The following CYB5D2 variants were observed in gnomAD, a reference collection of about 807,000 sequenced individuals.
CYB5D2 encodes the protein neuferricin.
In CYB5D2, 23 loss-of-function variants were observed where a neutral mutation model predicts 22.8. The ratio of observed to expected loss-of-function variants is 1.01; its 90% confidence interval spans 0.73 to 1.43. The LOEUF (loss-of-function observed/expected upper bound fraction) is 1.43, where lower values mean the gene tolerates loss of function less well. Ranked by LOEUF, CYB5D2 falls within the 40% of genes most tolerant of loss-of-function variation. The pLI is 0.00. For synonymous variants in CYB5D2, 170 were observed against 152.2 expected, an observed-to-expected ratio of 1.12 and a Z score of -0.86; for missense variants, 373 against 357.2, an observed-to-expected ratio of 1.04 and a Z score of -0.36.
At position 4,143,812 on chromosome 17, in the gene CYB5D2, G is replaced by C. The variant is rs780202103; in HGVS notation, c.57G>C (p.Ala19=). Residue 19 remains alanine, a synonymous_variant, in exon 1 of 4, where the codon GCG becomes GCC. Transcript: ENST00000301391. ...TGGGCCTGGCTGTAGCCGCAGCAGC[G>C]GTAATGGCAGCACGGCTTATGGGCT... ...LLLGLAVAAA[A]VMAARLMGWW... is the part of the protein sequence containing the mutation. 27 of 1,614,054 alleles carry C rather than the reference G, an allele frequency of 1.7e-5. No homozygotes were observed. In the East Asian group the frequency reaches 5.8e-4, roughly 35 times the overall value.
At chr17:4,146,801 T>C (rs568217432) in intron 1 of CYB5D2, among the ~76,000 whole-genome samples, 1 of 152,216 alleles carries the variant, frequency 6.6e-6, no homozygotes, top group Admixed American at 6.5e-5. Flanking sequence ...CAGTCACTCC[T>C]TATTCCTTCC....
intron 2 of CYB5D2, 25 bp from the exon 3 acceptor site, chr17:4,154,648 TC>T (rs1255460726): frequency 1.2e-6 from 2 of 1,606,752 alleles, no homozygotes; most frequent in Non-Finnish European, 1.7e-6. Context: ...TCACTCTCAC[TC>T]ACATCTGCCT....
chr17:4,155,869 A>G (rs566863742), intron 3 of CYB5D2, among the ~76,000 whole-genome samples: 7 of 152,192 alleles, frequency 4.6e-5, no homozygotes, highest in Non-Finnish European at 8.8e-5. Context: ...CTTCCCCACA[A>G]AACCCTTCCA....
At chr17:4,144,107 C>T in intron 1 of CYB5D2, 102 bp downstream of exon 1, 1 of 1,448,702 alleles carries the variant, frequency 6.9e-7, no homozygotes. Context: ...CCCCCCCATC[C>T]CCACCCCACA....
intron 1 of CYB5D2, among the ~76,000 whole-genome samples, chr17:4,147,259 A>T (rs976478552): frequency 6.6e-6 from 1 of 151,852 alleles, no homozygotes; most frequent in African/African-American, 2.4e-5. Context: ...CGATACAGCG[A>T]GACTCTATCT....
chr17:4,144,803 T>TA (rs1320053067), intron 1 of CYB5D2, among the ~76,000 whole-genome samples: 1 of 152,054 alleles, frequency 6.6e-6, no homozygotes, highest in Non-Finnish European at 1.5e-5. Context: ...GCTTTTTTTT[T>TA]AAAGATGGAA....
rs201318989 is a variant in CYB5D2, at chr17:4,144,028, C to T, written c.250+23C>T. ...CAGGTATCAGCGAGGCTGCTCACGC[C>T]TTTCTCTCCGCTGGCGCGAGCCAGT... On this transcript the variant is annotated intron_variant, in intron 1 of 3. Transcript: ENST00000301391. 282 of 1,563,664 alleles carry T rather than the reference C, an allele frequency of 1.8e-4. 1 individual carries two copies. The highest frequency in any genetic ancestry group is 2.2e-4 in the Non-Finnish European group (259 of 1,155,750).
intron 2 of CYB5D2, among the ~76,000 whole-genome samples, chr17:4,154,408 A>G (rs557126916): frequency 6.6e-6 from 1 of 152,332 alleles, no homozygotes; most frequent in South Asian, 2.1e-4. Context: ...CTGTGCCCTC[A>G]GGGAAGCCTT....
intron 1 of CYB5D2, among the ~76,000 whole-genome samples, chr17:4,147,817 C>T (rs1343375125): frequency 6.6e-6 from 1 of 152,228 alleles, no homozygotes; most frequent in East Asian, 1.9e-4. Flanking sequence ...TGTGCCATTG[C>T]ACTCCAGCCT....
chr17:4,151,418 C>T (rs2059056185), intron 2 of CYB5D2, among the ~76,000 whole-genome samples: 1 of 152,214 alleles, frequency 6.6e-6, no homozygotes, highest in Non-Finnish European at 1.5e-5. Context: ...GGAGTGGTCT[C>T]TCACACCTGT....
intron 1 of CYB5D2, among the ~76,000 whole-genome samples, chr17:4,146,564 G>C (rs2142993039): frequency 6.6e-6 from 1 of 152,076 alleles, no homozygotes; most frequent in South Asian, 2.1e-4. Flanking sequence ...CTAAGTTTTT[G>C]TATTTTTAGT....
At position 4,149,914 on chromosome 17, in the gene CYB5D2, G is replaced by A. The variant is rs772508937; in HGVS notation, c.274G>A (p.Val92Met). ...FAGRDASRAF[V>M]TGDCSEAGLV... ...AGGCCGAGACGCATCCAGAGCTTTC[G>A]TGACCGGGGACTGTTCTGAAGCAGG... Residue 92 changes from valine (V) to methionine (M), a missense_variant, in exon 2 of 4, where the codon GTG becomes ATG. Coordinates refer to ENST00000301391, the MANE Select transcript of CYB5D2 (RefSeq NM_144611.4). 1.1e-5 allele frequency: 18 copies of A among 1,613,978 alleles called. No homozygotes were observed. The highest frequency in any genetic ancestry group is 1.1e-4 in the East Asian group (5 of 44,896).
At position 4,143,846 on chromosome 17, in the gene CYB5D2, C is replaced by A. The variant is rs771597331; in HGVS notation, c.91C>A (p.Pro31Thr). ...MAARLMGWWG[P>T]RAGFRLFIPE... ...AGCACGGCTTATGGGCTGGTGGGGT[C>A]CCCGCGCTGGCTTTCGCCTTTTCAT... is the stretch of plus-strand genomic sequence containing the variant. The change falls in exon 1 of 4, where the codon CCC becomes ACC. Residue 31 changes from proline (P) to threonine (T), a missense_variant. Transcript: ENST00000301391. 11 of 1,614,096 alleles carry A rather than the reference C, an allele frequency of 6.8e-6. No homozygotes were observed. The highest frequency in any genetic ancestry group is 9.3e-6 in the Non-Finnish European group (11 of 1,179,996).
chr17:4,149,150 T>C (rs1401295546), intron 1 of CYB5D2, among the ~76,000 whole-genome samples: 2 of 151,980 alleles, frequency 1.3e-5, no homozygotes, highest in Non-Finnish European at 2.9e-5. Context: ...GACGTCTAAG[T>C]GTTGTTGGAT....
Position 4,143,710 on chromosome 17 carries a change from A to G in CYB5D2, c.-46A>G, listed in dbSNP as rs749260197. The G allele has an allele frequency of 8.9e-6, 14 of 1,568,930 alleles. No individual in the cohort carries two copies. The East Asian group carries it at 1.1e-4, about 13-fold the overall frequency. On this transcript the variant is annotated 5_prime_UTR_variant, in exon 1 of 4. Transcript: ENST00000301391. ...GGCGTCTCGGCCATCTTAGCTGTAG[A>G]TAGAGGCGGCAACCTCGGAAGTGCG...
rs755176143 is a variant in CYB5D2, at chr17:4,143,883, T to C, written c.128T>C (p.Leu43Pro). The C allele has an allele frequency of 6.2e-7, 1 of 1,614,056 alleles. No individual in the cohort carries two copies. Among genetic ancestry groups the C allele is most frequent in the Non-Finnish European group, 8.5e-7 (1 of 1,180,012 alleles). The change falls in exon 1 of 4, where the codon CTG becomes CCG. Residue 43 changes from leucine to proline, a missense_variant. Physicochemically the swap from Leu to Pro is moderately conservative, Grantham distance 98 (BLOSUM62 -3). Transcript: ENST00000301391. Reference sequence around the variant, plus strand: ...TTTCGCCTTTTCATACCGGAGGAGCTGTCTCGCTACCGCGGCGGCCCAGGG... The same window carrying C: ...TTTCGCCTTTTCATACCGGAGGAGCCGTCTCGCTACCGCGGCGGCCCAGGG... ...AGFRLFIPEE[L>P]SRYRGGPGDP... is the part of the protein sequence containing the mutation.
chr17:4,153,515 G>T (rs2059080247), intron 2 of CYB5D2, among the ~76,000 whole-genome samples: 2 of 152,194 alleles, frequency 1.3e-5, no homozygotes, highest in Non-Finnish European at 2.9e-5. Flanking sequence ...GCCATTGAAG[G>T]GTTTTAATCA....
At chr17:4,149,773 T>C in intron 1 of CYB5D2, 118 bp from the exon 2 acceptor site, 1 of 1,298,650 alleles carries the variant, frequency 7.7e-7, no homozygotes, top group Non-Finnish European at 1.0e-6. Flanking sequence ...CACTCCAGCC[T>C]GGGCAACAGA....
rs2059096894 is a variant in CYB5D2, at chr17:4,154,826, G to C, written c.544G>C (p.Ala182Pro). 6.2e-7 allele frequency: 1 copy of C among 1,614,084 alleles called. No individual in the cohort carries two copies. The highest frequency in any genetic ancestry group is 1.7e-5 in the Admixed American group (1 of 60,006). Residue 182 changes from alanine to proline, a missense_variant, in exon 3 of 4, where the codon GCC becomes CCC. By Grantham distance (27) the Ala-to-Pro change is conservative. Coordinates refer to ENST00000301391, the MANE Select transcript of CYB5D2 (RefSeq NM_144611.4). ...GCCGTGCAACGCGGAGTGGAGCTCA[G>C]CCAGGGGCAGCCGGCTCTGGTGCTC... Reference protein sequence around the residue: ...FPPCNAEWSSARGSRLWCSQK... With the variant: ...FPPCNAEWSSPRGSRLWCSQK...
Sources: gnomAD v4.1 joint callset for allele counts (sites outside exome capture counted in the v4.1 genomes callset) on GRCh38, gnomAD v4.1.1 for gene constraint, MANE v1.5 for transcripts, NCBI Gene and HGNC (gene_info 2026-07-23, HGNC 2026-07-21) for gene names.